Variants in C8orf34 observed in about 807,000 individuals in gnomAD.
C8orf34 encodes the protein uncharacterized protein C8orf34.
C8orf34 carries 65 observed loss-of-function variants against 68.3 expected under a neutral mutation model. The observed-to-expected ratio is 0.95, with a 90% CI of 0.78 to 1.17. The LOEUF (loss-of-function observed/expected upper bound fraction) is 1.17, where lower values mean the gene tolerates loss of function less well. C8orf34 is among the 50% of genes most tolerant of loss of function. The pLI is 0.00. For synonymous variants in C8orf34, 244 were observed against 241.2 expected (o/e 1.01, Z -0.11); for missense variants, 664 against 655.4 (o/e 1.01, Z -0.14).
At chr8:68,718,311 C>A (rs946915681) in intron 9 of C8orf34, among the ~76,000 whole-genome samples, 4 of 152,236 alleles carry the variant, frequency 2.6e-5, no homozygotes, top group African/African-American at 7.2e-5. Context: ...ATCAAAATAA[C>A]TCCAACCTAC....
chr8:68,539,745 T>G (rs1204105498), intron 7 of C8orf34, among the ~76,000 whole-genome samples: 1 of 151,844 alleles, frequency 6.6e-6, no homozygotes, highest in African/African-American at 2.4e-5. Context: ...TCCCAGCTAC[T>G]CGGGACACTG....
rs72664962 is a variant in C8orf34 at position 68,452,849 on chromosome 8, G to A, written c.607+6389G>A. 4.7e-3 allele frequency among the ~76,000 whole-genome samples: 713 copies of A among 151,196 alleles called. 3 individuals are homozygous for A. Among genetic ancestry groups the A allele is most frequent in the Middle Eastern group, 0.031 (9 of 294 alleles). On this transcript the variant is annotated intron_variant, in intron 3 of 13. Transcript: ENST00000518698. ...TCTAAGAAACTCTTGCCAAATCCAAGGTCATAATGACTTATCTCTATAATT... is the reference window on the plus strand; with the variant it reads ...TCTAAGAAACTCTTGCCAAATCCAAAGTCATAATGACTTATCTCTATAATT...
intron 1 of C8orf34, among the ~76,000 whole-genome samples, chr8:68,357,690 T>C (rs1806807275): frequency 6.6e-6 from 1 of 152,208 alleles, no homozygotes; most frequent in Non-Finnish European, 1.5e-5. Flanking sequence ...AGTGGAGCGA[T>C]TGAAGAAGCC....
chr8:68,810,866 G>T (rs1332927880), intron 12 of C8orf34, among the ~76,000 whole-genome samples: 1 of 152,174 alleles, frequency 6.6e-6, no homozygotes, highest in Non-Finnish European at 1.5e-5. Context: ...CTTCAGAAGG[G>T]AGGAAGTGTG....
At chr8:68,472,548 A>T (rs1453826657) in intron 4 of C8orf34, among the ~76,000 whole-genome samples, 2 of 152,176 alleles carry the variant, frequency 1.3e-5, no homozygotes, top group Non-Finnish European at 2.9e-5. Context: ...ATGCAACAAA[A>T]GTGAATCCTG....
intron 9 of C8orf34, among the ~76,000 whole-genome samples, chr8:68,720,412 TGA>T (rs1362059621): frequency 6.6e-6 from 1 of 151,926 alleles, no homozygotes; most frequent in African/African-American, 2.4e-5. Context: ...ATTAAGGGTT[TGA>T]AAGATTTCAT....
At chr8:68,767,567 A>G (rs985136292) in intron 10 of C8orf34, among the ~76,000 whole-genome samples, 1 of 152,098 alleles carries the variant, frequency 6.6e-6, no homozygotes, top group Non-Finnish European at 1.5e-5. Flanking sequence ...AGTTCTCTAT[A>G]TTTTTCTGAA....
At chr8:68,639,833 G>T (rs1351274615) in intron 7 of C8orf34, among the ~76,000 whole-genome samples, 1 of 152,176 alleles carries the variant, frequency 6.6e-6, no homozygotes, top group Non-Finnish European at 1.5e-5. Context: ...GGTGAAGGTA[G>T]AAAGCAAACA....
Position 68,331,079 on chromosome 8 carries a change from G to C in C8orf34, c.67G>C (p.Ala23Pro). The C allele has an allele frequency of 6.9e-7, 1 of 1,445,334 alleles. No homozygotes were observed. Among genetic ancestry groups the C allele is most frequent in the South Asian group, 1.3e-5 (1 of 75,316 alleles). The allele number at this position is 1,445,334 out of a possible 1,614,324, so 89.5% of individuals were successfully genotyped here. A position where few individuals can be genotyped will look rare whatever the true frequency, so the allele number is the denominator to read the frequency against. ...AALRPGFRLS[A>P]PHARVAPRAA... ...GCTGCGCCCAGGCTTCCGGCTCTCA[G>C]CGCCCCACGCGCGCGTGGCTCCCCG... The change falls in exon 1 of 14, where the codon GCG becomes CCG. Residue 23 changes from alanine to proline, a missense_variant. Physicochemically the swap from Ala to Pro is conservative, Grantham distance 27. Transcript: ENST00000518698.
rs62521837 is a variant in C8orf34 at position 68,474,984 on chromosome 8, G to A, written c.736+6164G>A. Reference sequence around the variant, plus strand: ...TGAAAGCCTGACATTCACTTGTTTCGGGTATTCAGTGCCTCCATAGAACTT... The same window carrying A: ...TGAAAGCCTGACATTCACTTGTTTCAGGTATTCAGTGCCTCCATAGAACTT... On this transcript the variant is annotated intron_variant, in intron 4 of 13. Transcript: ENST00000518698. 1.5e-3 allele frequency among the ~76,000 whole-genome samples: 232 copies of A among 152,208 alleles called. 4 individuals are homozygous for A. Among genetic ancestry groups the A allele is most frequent in the Admixed American group, 5.8e-3 (89 of 15,274 alleles).
At chr8:68,514,912 A>C (rs2129633628) in intron 5 of C8orf34, among the ~76,000 whole-genome samples, 2 of 152,314 alleles carry the variant, frequency 1.3e-5, no homozygotes, top group Middle Eastern at 6.8e-3. Flanking sequence ...GCAATTTTAT[A>C]GTAGGAGATA....
At chr8:68,554,148 A>G (rs1030508567) in intron 7 of C8orf34, among the ~76,000 whole-genome samples, 2 of 152,158 alleles carry the variant, frequency 1.3e-5, no homozygotes, top group African/African-American at 2.4e-5. Flanking sequence ...GTCTTGTTAT[A>G]TAAAGTTCAC....
chr8:68,802,615 C>T (rs1168621079), intron 12 of C8orf34, among the ~76,000 whole-genome samples: 2 of 152,088 alleles, frequency 1.3e-5, no homozygotes, highest in Non-Finnish European at 2.9e-5. Flanking sequence ...CCTCTCACCT[C>T]AGCCTCCCGA....
At chr8:68,547,246 T>A (rs1462222883) in intron 7 of C8orf34, among the ~76,000 whole-genome samples, 1 of 151,718 alleles carries the variant, frequency 6.6e-6, no homozygotes, top group Non-Finnish European at 1.5e-5. Flanking sequence ...AAAAGACTAT[T>A]ACAAACAAAT....
intron 5 of C8orf34, among the ~76,000 whole-genome samples, chr8:68,509,503 A>C (rs900978203): frequency 1.3e-5 from 2 of 151,124 alleles, no homozygotes; most frequent in African/African-American, 4.9e-5. Flanking sequence ...CCAATTTAAG[A>C]CTTGGGAAAT....
intron 8 of C8orf34, among the ~76,000 whole-genome samples, chr8:68,673,359 C>G (rs1820078696): frequency 6.6e-6 from 1 of 152,156 alleles, no homozygotes; most frequent in South Asian, 2.1e-4. Flanking sequence ...CAGGCGTGTG[C>G]TCTTGGATGG....
At chr8:68,808,724 G>A (rs1190521037) in intron 12 of C8orf34, among the ~76,000 whole-genome samples, 2 of 151,840 alleles carry the variant, frequency 1.3e-5, no homozygotes, top group Non-Finnish European at 2.9e-5. Context: ...TTTTTATAAG[G>A]GACTGTGCCA....
intron 1 of C8orf34, among the ~76,000 whole-genome samples, chr8:68,432,958 G>T (rs1270280805): frequency 6.6e-6 from 1 of 152,190 alleles, no homozygotes; most frequent in East Asian, 1.9e-4. Flanking sequence ...ATGAGTGCGG[G>T]TGGAAACCAA....
intron 7 of C8orf34, among the ~76,000 whole-genome samples, chr8:68,566,744 A>G (rs767173551): frequency 6.6e-6 from 1 of 152,214 alleles, no homozygotes; most frequent in Non-Finnish European, 1.5e-5. Flanking sequence ...TATCAGCAAT[A>G]AGGCGTTGTG....
Sources: allele counts gnomAD v4.1 joint callset (sites outside exome capture counted in the v4.1 genomes callset), GRCh38; gene constraint gnomAD v4.1.1; transcripts MANE v1.5; gene names NCBI Gene and HGNC (gene_info 2026-07-23, HGNC 2026-07-21).